IL13RA1: variants seen among roughly 807,000 people sequenced by gnomAD.
The protein encoded by IL13RA1 is interleukin 13 receptor subunit alpha 1.
Under a neutral mutation model 33.8 loss-of-function variants are expected in IL13RA1, and 14 were observed. The ratio of observed to expected loss-of-function variants is 0.41; its 90% CI spans 0.27 to 0.65. The LOEUF (loss-of-function observed/expected upper bound fraction) is 0.65. IL13RA1 is among the 30% of genes least tolerant of loss of function. The pLI is 0.28. For synonymous variants in IL13RA1, 116 were observed against 115.7 expected (o/e 1.00, Z -0.02); for missense variants, 313 against 327.0 (o/e 0.96, Z 0.33).
At chrX:118,728,881 G>C (rs778757912) in intron 1 of IL13RA1, among the ~76,000 whole-genome samples, 2 of 111,496 alleles carry the variant, frequency 1.8e-5, no homozygotes, top group East Asian at 5.6e-4. Flanking sequence ...CAGGTGGGAA[G>C]GGGTTTGCCA....
At chrX:118,800,043 ACT>A in the IL13RA1 span, among the ~76,000 whole-genome samples, 167 of 109,323 alleles carry the variant, frequency 1.5e-3, 1 homozygote, top group African/African-American at 5.4e-3. Context: ...ACCAATTGAC[ACT>A]CTGTATCTAG....
At chrX:118,775,256 C>T (rs1174936589) in intron 9 of IL13RA1, among the ~76,000 whole-genome samples, 1 of 111,288 alleles carries the variant, frequency 9.0e-6, no homozygotes, top group Non-Finnish European at 1.9e-5. Flanking sequence ...GGCTGAAATG[C>T]ACTTGGTTTG....
chrX:118,748,133 A>G (rs1477613414), intron 3 of IL13RA1, among the ~76,000 whole-genome samples: 5 of 100,806 alleles, frequency 5.0e-5, no homozygotes, highest in Non-Finnish European at 9.9e-5. Context: ...ATTATATAAT[A>G]TATAATTATA....
intron 4 of IL13RA1, among the ~76,000 whole-genome samples, chrX:118,750,450 G>T (rs1043390045): frequency 9.1e-6 from 1 of 110,301 alleles, no homozygotes; most frequent in Non-Finnish European, 1.9e-5. Flanking sequence ...ATATCACGAG[G>T]CCACTCCTTT....
At chrX:118,778,434 C>T (rs1327503618) in intron 10 of IL13RA1, among the ~76,000 whole-genome samples, 3 of 111,149 alleles carry the variant, frequency 2.7e-5, no homozygotes, top group Non-Finnish European at 3.8e-5. Flanking sequence ...GTATCTGGAG[C>T]GAGTATGATA....
intron 4 of IL13RA1, among the ~76,000 whole-genome samples, chrX:118,754,975 A>C (rs192077091): frequency 3.1e-3 from 283 of 92,068 alleles, no homozygotes; most frequent in African/African-American, 0.011. Flanking sequence ...TTGGAGACAG[A>C]GTCTCATTCT....
At chrX:118,768,247 G>A (rs1000215932) in intron 8 of IL13RA1, among the ~76,000 whole-genome samples, 5 of 112,118 alleles carry the variant, frequency 4.5e-5, no homozygotes, top group Admixed American at 9.4e-5. Context: ...GGTTGTATTC[G>A]TTTATTTATT....
intron 8 of IL13RA1, among the ~76,000 whole-genome samples, chrX:118,773,117 G>A (rs777156558): frequency 8.9e-6 from 1 of 112,323 alleles, no homozygotes; most frequent in East Asian, 2.8e-4. Context: ...TTGAAAAAGA[G>A]AGTTTACTAC....
chrX:118,801,907 A>G, the IL13RA1 span, among the ~76,000 whole-genome samples: 1 of 112,601 alleles, frequency 8.9e-6, no homozygotes, highest in South Asian at 3.6e-4. Flanking sequence ...CCAGTTAGCA[A>G]CATTAATTCT....
chrX:118,741,435 T>A (rs767318209), intron 2 of IL13RA1, among the ~76,000 whole-genome samples: 207 of 112,507 alleles, frequency 1.8e-3, no homozygotes, highest in African/African-American at 6.4e-3. Flanking sequence ...ATGTTATTGT[T>A]AAAATTTGTT....
rs762233352 is a variant in IL13RA1, at chrX:118,773,958, C to T, written c.1089C>T (p.Leu363=). 9.2e-6 allele frequency: 9 copies of T among 982,478 alleles called. No homozygotes were observed. The highest frequency in any genetic ancestry group is 1.3e-5 in the Non-Finnish European group (9 of 687,689). The allele number at this position is 982,478 out of a possible 1,213,427, so 81.0% of individuals were successfully genotyped here. A position where few individuals can be genotyped will look rare whatever the true frequency, so the allele number is the denominator to read the frequency against. ...TCGTCGCAGGTGCAATCATAGTACT[C>T]CTGCTTTACCTAAAAAGGTAAGGTA... ...PVIVAGAIIV[L]LLYLKRLKII... Residue 363 remains leucine, a synonymous_variant, in exon 9 of 11, where the codon CTC becomes CTT. Coordinates refer to ENST00000371666, the MANE Select transcript of IL13RA1 (RefSeq NM_001560.3).
chrX:118,746,871 G>C (rs1392715185), intron 2 of IL13RA1, 83 bp from the exon 3 acceptor site: 20 of 681,518 alleles, frequency 2.9e-5, no homozygotes, highest in Non-Finnish European at 4.5e-5. Context: ...GATAAAAAAA[G>C]CACCACATTT....
At position 118,786,227 on chromosome X, in the gene IL13RA1, A is replaced by G. The variant is rs188140797; in HGVS notation, c.1192-5535A>G. On this transcript the variant is annotated intron_variant, in intron 10 of 10. Transcript: ENST00000371666. The stretch of plus-strand genomic sequence containing the variant: ...AACATAGCAAAACCCCGTCTCTACT[A>G]AAAATACAAAAAAATTAGCCAGGCT... Among the ~76,000 whole-genome samples, 20 of 110,073 alleles carry G rather than the reference A, an allele frequency of 1.8e-4. No homozygotes were observed. The Admixed American group carries it at 1.9e-3, about 10-fold the overall frequency.
chrX:118,794,534 C>T (rs1160945837), downstream of IL13RA1: 1 of 111,923 alleles, frequency 8.9e-6, no homozygotes, highest in Admixed American at 9.5e-5. Context: ...TTGTATGTCA[C>T]CCAAATGTTT....
intron 6 of IL13RA1, among the ~76,000 whole-genome samples, chrX:118,762,527 T>A (rs2147383755): frequency 8.9e-6 from 1 of 112,223 alleles, no homozygotes; most frequent in East Asian, 2.8e-4. Flanking sequence ...AATAAGCCAG[T>A]GTTGACAGGC....
downstream of IL13RA1, among the ~76,000 whole-genome samples, chrX:118,797,486 G>GTA (rs1213396581): frequency 1.8e-5 from 2 of 111,671 alleles, no homozygotes; most frequent in African/African-American, 6.5e-5. Flanking sequence ...AAGCCAAAGA[G>GTA]TATTATAGGG....
intron 10 of IL13RA1, among the ~76,000 whole-genome samples, chrX:118,789,248 C>A (rs755941735): frequency 8.9e-6 from 1 of 112,006 alleles, no homozygotes; most frequent in Admixed American, 9.5e-5. Flanking sequence ...AGGTGAAACA[C>A]CCAGGTTACA....
chrX:118,746,823 T>C (rs1026841162), intron 2 of IL13RA1, 131 bp from the exon 3 acceptor site: 2 of 447,913 alleles, frequency 4.5e-6, no homozygotes, highest in Admixed American at 3.8e-5. Flanking sequence ...TCAGCCCCAA[T>C]TGAGAATCAC....
At chrX:118,801,549 C>G in the IL13RA1 span, among the ~76,000 whole-genome samples, 6 of 112,189 alleles carry the variant, frequency 5.3e-5, no homozygotes, top group Non-Finnish European at 1.1e-4. Flanking sequence ...TCCCATGTTC[C>G]CTTTATTTGT....
Sources: gnomAD v4.1 joint callset for allele counts (sites outside exome capture counted in the v4.1 genomes callset) on GRCh38, gnomAD v4.1.1 for gene constraint, MANE v1.5 for transcripts, NCBI Gene and HGNC (gene_info 2026-07-23, HGNC 2026-07-21) for gene names.